The following BCKDHB variants were observed in gnomAD, a reference collection of about 807,000 sequenced individuals.
BCKDHB encodes the protein branched chain keto acid dehydrogenase E1 subunit beta, also known as 2-oxoisovalerate dehydrogenase subunit beta, mitochondrial.
In BCKDHB, 41 loss-of-function variants were observed where a neutral mutation model predicts 48.5. That is an observed-to-expected ratio of 0.85 (90% CI 0.66 to 1.10). The LOEUF is 1.10. Ranked by LOEUF, BCKDHB falls within the 50% of genes least tolerant of loss-of-function variation. BCKDHB has a pLI of 0.00. For missense variants in BCKDHB, 496 were observed against 494.2 expected (o/e 1.00, Z -0.03); for synonymous variants, 201 against 174.8 (o/e 1.15, Z -1.18).
chr6:80,362,125 T>C, the BCKDHB span, among the ~76,000 whole-genome samples: 1 of 152,154 alleles, frequency 6.6e-6, no homozygotes, highest in Admixed American at 6.5e-5. Flanking sequence ...AGGACAAACA[T>C]GGACTAGAAC....
At chr6:80,212,450 G>A (rs1206111993) in intron 8 of BCKDHB, among the ~76,000 whole-genome samples, 1 of 151,990 alleles carries the variant, frequency 6.6e-6, no homozygotes, top group South Asian at 2.1e-4. Flanking sequence ...CTTTTTGCCC[G>A]ACCCCGCAGG....
intron 1 of BCKDHB, among the ~76,000 whole-genome samples, chr6:80,115,593 T>C (rs1769648949): frequency 6.6e-6 from 1 of 152,088 alleles, no homozygotes; most frequent in African/African-American, 2.4e-5. Context: ...ACCAGGCATA[T>C]ACTGATTGTC....
chr6:80,137,099 T>A (rs1770928320), intron 3 of BCKDHB, among the ~76,000 whole-genome samples: 2 of 152,174 alleles, frequency 1.3e-5, no homozygotes, highest in African/African-American at 4.8e-5. Context: ...TATGCCTTTC[T>A]TTTTATCTCA....
At chr6:80,412,062 C>T in the BCKDHB span, among the ~76,000 whole-genome samples, 84 of 152,118 alleles carry the variant, frequency 5.5e-4, 1 homozygote, top group African/African-American at 1.9e-3. Flanking sequence ...AGCTGCAGAC[C>T]GGAGCTCTTC....
the BCKDHB span, among the ~76,000 whole-genome samples, chr6:80,446,330 G>A: frequency 6.6e-5 from 10 of 152,328 alleles, no homozygotes; most frequent in South Asian, 2.1e-4. Context: ...AGCCAGGCAC[G>A]TGGGCATTGT....
At position 80,128,634 on chromosome 6, in the gene BCKDHB, G is replaced by A. The variant is rs140798710; in HGVS notation, c.275-527G>A. Among the ~76,000 whole-genome samples the A allele has an allele frequency of 1.7e-3, 266 of 152,096 alleles. 1 individual carries two copies. The highest frequency in any genetic ancestry group is 6.1e-3 in the African/African-American group (252 of 41,498). On this transcript the variant is annotated intron_variant, in intron 2 of 9. Coordinates refer to ENST00000320393, the MANE Select transcript of BCKDHB (RefSeq NM_183050.4). ...TCTTCTGATGGCTTACTTACTGTATGCTGTGTCTCAGGAAAAACCACAGGC... is the reference window on the plus strand; with the variant it reads ...TCTTCTGATGGCTTACTTACTGTATACTGTGTCTCAGGAAAAACCACAGGC...
intron 3 of BCKDHB, among the ~76,000 whole-genome samples, chr6:80,163,364 G>A (rs1381872057): frequency 6.7e-6 from 1 of 148,798 alleles, no homozygotes; most frequent in Non-Finnish European, 1.5e-5. Context: ...TCATGTTAAG[G>A]TCACCAATGA....
chr6:80,305,476 A>G (rs1242664598), intron 9 of BCKDHB, among the ~76,000 whole-genome samples: 4 of 152,172 alleles, frequency 2.6e-5, no homozygotes, highest in Non-Finnish European at 5.9e-5. Flanking sequence ...ATTCATAGCT[A>G]GAGACATTTA....
chr6:80,340,304 G>A (rs932037331), intron 9 of BCKDHB, among the ~76,000 whole-genome samples: 1 of 152,112 alleles, frequency 6.6e-6, no homozygotes, highest in African/African-American at 2.4e-5. Context: ...CCTTCTTACT[G>A]GATCCTGGGT....
chr6:80,295,207 C>T (rs1304558750), intron 9 of BCKDHB, among the ~76,000 whole-genome samples: 1 of 152,134 alleles, frequency 6.6e-6, no homozygotes, highest in Non-Finnish European at 1.5e-5. Flanking sequence ...ATACTGGTAT[C>T]AATTTACTGT....
At chr6:80,193,503 G>A (rs1320816989) in intron 6 of BCKDHB, among the ~76,000 whole-genome samples, 1 of 152,124 alleles carries the variant, frequency 6.6e-6, no homozygotes, top group Non-Finnish European at 1.5e-5. Flanking sequence ...CGAATCACCT[G>A]AGGTCAGGAG....
At chr6:80,190,568 C>T (rs761453732) in intron 6 of BCKDHB, among the ~76,000 whole-genome samples, 4 of 152,064 alleles carry the variant, frequency 2.6e-5, no homozygotes, top group African/African-American at 4.8e-5. Flanking sequence ...AAAGGTGATA[C>T]TTTAAAGGTG....
At chr6:80,320,856 A>T (rs1768680639) in intron 9 of BCKDHB, among the ~76,000 whole-genome samples, 1 of 152,216 alleles carries the variant, frequency 6.6e-6, no homozygotes, top group African/African-American at 2.4e-5. Context: ...CATATTTCTG[A>T]AATGTAAATG....
intron 3 of BCKDHB, among the ~76,000 whole-genome samples, chr6:80,143,518 A>T (rs1193212345): frequency 6.6e-6 from 1 of 152,172 alleles, no homozygotes. Context: ...GAGACTGCCT[A>T]TGCAAAAGTC....
the BCKDHB span, among the ~76,000 whole-genome samples, chr6:80,392,960 G>T: frequency 7.7e-6 from 1 of 130,006 alleles, no homozygotes. Flanking sequence ...TTATAATTTT[G>T]ATTTATTATT....
At chr6:80,440,157 G>A in the BCKDHB span, among the ~76,000 whole-genome samples, 2 of 152,268 alleles carry the variant, frequency 1.3e-5, no homozygotes, top group African/African-American at 2.4e-5. Context: ...TGAGATGGGA[G>A]CCCACAATTA....
At chr6:80,327,378 A>C (rs1285523363) in intron 9 of BCKDHB, among the ~76,000 whole-genome samples, 6 of 152,252 alleles carry the variant, frequency 3.9e-5, no homozygotes, top group African/African-American at 1.4e-4. Flanking sequence ...TCTACTGAAT[A>C]CATTTTGCTT....
At chr6:80,278,524 T>G (rs1778059350) in intron 9 of BCKDHB, among the ~76,000 whole-genome samples, 1 of 152,176 alleles carries the variant, frequency 6.6e-6, no homozygotes, top group Non-Finnish European at 1.5e-5. Flanking sequence ...CCATGTCATC[T>G]TCTCCTTTGC....
intron 3 of BCKDHB, among the ~76,000 whole-genome samples, chr6:80,162,889 C>G (rs1385049818): frequency 6.6e-6 from 1 of 151,998 alleles, no homozygotes; most frequent in South Asian, 2.1e-4. Flanking sequence ...CCCATATTCC[C>G]CTCTAGTGAC....
Sources: allele counts gnomAD v4.1 joint callset (sites outside exome capture counted in the v4.1 genomes callset), GRCh38; gene constraint gnomAD v4.1.1; transcripts MANE v1.5; gene names NCBI Gene and HGNC (gene_info 2026-07-23, HGNC 2026-07-21).